Variants in PMS2 observed in about 807,000 individuals in gnomAD.
PMS2 encodes the protein mismatch repair endonuclease PMS2.
Under a neutral mutation model 90.0 loss-of-function variants are expected in PMS2, and 69 were observed. The ratio of observed to expected loss-of-function variants is 0.77; its 90% CI spans 0.63 to 0.94. PMS2 has a LOEUF of 0.94. PMS2 is among the 40% of genes least tolerant of loss of function. The pLI, the probability that PMS2 is intolerant of heterozygous loss-of-function variation, is 0.00. For missense variants in PMS2, 966 were observed against 1,040.2 expected (o/e 0.93, Z 0.98); for synonymous variants, 332 against 375.1 (o/e 0.89, Z 1.33).
rs1342412948 is a variant in PMS2 at position 5,981,731 on chromosome 7, A to T, written c.2174+1093T>A. On this transcript the variant is annotated intron_variant, in intron 12 of 14. Coordinates refer to ENST00000265849, the MANE Select transcript of PMS2 (RefSeq NM_000535.7). Reference sequence around the variant, plus strand: ...CATTTTTAATAGCGAAAAATACCTGATACTTAGAGAACATGTTAACCACGT... The same window carrying T: ...CATTTTTAATAGCGAAAAATACCTGTTACTTAGAGAACATGTTAACCACGT... 4.6e-5 allele frequency among the ~76,000 whole-genome samples: 7 copies of T among 151,782 alleles called. 1 individual carries two copies. Among genetic ancestry groups the T allele is most frequent in the African/African-American group, 1.7e-4 (7 of 41,076 alleles).
At chr7:5,999,341 G>A (rs1379598548) in intron 5 of PMS2, 66 bp from the exon 6 acceptor site, 16 of 1,392,764 alleles carry the variant, frequency 1.1e-5, no homozygotes, top group Non-Finnish European at 4.1e-6. Flanking sequence ...CACAGCTCAA[G>A]TTACAACATC....
chr7:6,000,462 T>G (rs1784973238), intron 5 of PMS2, among the ~76,000 whole-genome samples: 1 of 152,074 alleles, frequency 6.6e-6, no homozygotes, highest in African/African-American at 2.4e-5. Flanking sequence ...TATTACTTGC[T>G]TTCATTATAT....
At chr7:6,008,335 G>C (rs980603017) in intron 1 of PMS2, among the ~76,000 whole-genome samples, 3 of 152,200 alleles carry the variant, frequency 2.0e-5, no homozygotes, top group African/African-American at 7.2e-5. Flanking sequence ...AAGATTCGGT[G>C]TAGCTTACCA....
chr7:5,989,373 C>T (rs1783458759), intron 10 of PMS2, among the ~76,000 whole-genome samples: 1 of 152,000 alleles, frequency 6.6e-6, no homozygotes, highest in Non-Finnish European at 1.5e-5. Flanking sequence ...TTCAAGGTTG[C>T]AGTGAGCTGA....
intron 5 of PMS2, chr7:6,002,201 T>G: frequency 2.6e-6 from 1 of 387,990 alleles, no homozygotes; most frequent in East Asian, 5.7e-5. Flanking sequence ...AGTAAATTTT[T>G]TTTTAAAATT....
chr7:5,985,562 T>C (rs995301119), intron 11 of PMS2, among the ~76,000 whole-genome samples: 1 of 150,852 alleles, frequency 6.6e-6, no homozygotes, highest in Non-Finnish European at 1.5e-5. Context: ...TTTTTCTTTT[T>C]TTTTTTTTTG....
chr7:5,973,491 G>A lies in PMS2; in HGVS notation c.2497C>T (p.His833Tyr), dbSNP rs777470381. Reference sequence around the variant, plus strand: ...CAGGGGTGGTCCATCTCCCCCATGTGGGTGATCAGTTTCTTCATCTCGCTT... The same window carrying A: ...CAGGGGTGGTCCATCTCCCCCATGTAGGTGATCAGTTTCTTCATCTCGCTT... ...NTSEMKKLIT[H>Y]MGEMDHPWNC... Residue 833 changes from histidine (H) to tyrosine (Y), a missense_variant, in exon 15 of 15, where the codon CAC becomes TAC. Physicochemically the swap from His to Tyr is moderately conservative, Grantham distance 83. Transcript: ENST00000265849. The A allele has an allele frequency of 1.4e-5, 9 of 665,816 alleles. 1 individual carries two copies. The South Asian group carries it at 1.5e-4, about 11-fold the overall frequency. 41.2% of individuals were successfully genotyped at this position (665,816 alleles called of 1,614,324 possible).
In PMS2 at chr7:5,996,644, C is replaced by T. The variant is rs1784444322; in HGVS notation, c.803+682G>A. ...AGATAGATAGATATCTTTACAGGACCAATCCTATTTATGGAAGTGTCTATT... is the reference window on the plus strand; with the variant it reads ...AGATAGATAGATATCTTTACAGGACTAATCCTATTTATGGAAGTGTCTATT... On this transcript the variant is annotated intron_variant, in intron 7 of 14. Transcript: ENST00000265849. Among the ~76,000 whole-genome samples, 3 of 145,506 alleles carry T rather than the reference C, an allele frequency of 2.1e-5. No homozygotes were observed. The South Asian group carries it at 6.6e-4, about 32-fold the overall frequency.
chr7:5,984,764 G>T lies in PMS2; in HGVS notation c.2007-1773C>A, dbSNP rs549126337. ...CGTGCCAGTGCACTCCAGCCTGGGC[G>T]AAAGAGTGAGACTCTTGTCTCAAAA... On this transcript the variant is annotated intron_variant, in intron 11 of 14. Coordinates refer to ENST00000265849, the MANE Select transcript of PMS2 (RefSeq NM_000535.7). 1.6e-4 allele frequency among the ~76,000 whole-genome samples: 25 copies of T among 151,636 alleles called. No homozygotes were observed. The South Asian group carries it at 5.2e-3, about 31-fold the overall frequency.
At chr7:6,000,022 A>T (rs1448810730) in intron 5 of PMS2, among the ~76,000 whole-genome samples, 1 of 152,122 alleles carries the variant, frequency 6.6e-6, no homozygotes, top group Non-Finnish European at 1.5e-5. Context: ...CAGCAGAATG[A>T]CAACAAATAA....
At chr7:5,997,541 CTTTTG>C (rs1214445657) in intron 6 of PMS2, 118 bp from the exon 7 acceptor site, 7 of 696,674 alleles carry the variant, frequency 1.0e-5, no homozygotes, top group Admixed American at 2.6e-5. Flanking sequence ...TTAAAAGAAT[CTTTTG>C]TTTTGTTTTG....
chr7:5,995,822 G>C (rs1202707076), intron 7 of PMS2, among the ~76,000 whole-genome samples, 189 bp from the exon 8 acceptor site: 1 of 152,142 alleles, frequency 6.6e-6, no homozygotes, highest in Admixed American at 6.6e-5. Context: ...AAACCTTCTG[G>C]AATATTCTAA....
In PMS2 at chr7:6,005,988, C is replaced by G. The variant is rs374830220; in HGVS notation, c.67G>C (p.Val23Leu). 1 of 1,610,678 alleles carries G rather than the reference C, an allele frequency of 6.2e-7. No homozygotes were observed. The highest frequency in any genetic ancestry group is 8.5e-7 in the Non-Finnish European group (1 of 1,179,816). The change falls in exon 2 of 15, where the codon GTC becomes CTC. Residue 23 changes from valine (V) to leucine (L), a missense_variant. Physicochemically the swap from Val to Leu is conservative, Grantham distance 32. Coordinates refer to ENST00000265849, the MANE Select transcript of PMS2 (RefSeq NM_000535.7). ...KAIKPIDRKS[V>L]HQICSGQVVL... ...ACCTGCCCAGAGCAAATCTGATGGA[C>G]TGACTTCCGATCAATAGGTTTGATG...
chr7:5,984,392 A>C (rs1280561958), intron 11 of PMS2, among the ~76,000 whole-genome samples: 2 of 151,842 alleles, frequency 1.3e-5, no homozygotes, highest in East Asian at 1.9e-4. Flanking sequence ...TCAGTCCCAC[A>C]CAATTAAATC....
intron 5 of PMS2, among the ~76,000 whole-genome samples, chr7:6,000,377 T>TAA (rs67186373): frequency 2.4e-5 from 3 of 122,814 alleles, no homozygotes; most frequent in African/African-American, 6.2e-5. Context: ...CTGTCTCAAT[T>TAA]AAAAAAAAAA....
intron 1 of PMS2, among the ~76,000 whole-genome samples, chr7:6,007,404 C>T (rs960101408): frequency 6.6e-6 from 1 of 152,172 alleles, no homozygotes; most frequent in Non-Finnish European, 1.5e-5. Flanking sequence ...GGGACCGCAA[C>T]CAGCCATCCC....
chr7:5,988,068 A>C (rs1394414907), intron 10 of PMS2, among the ~76,000 whole-genome samples: 1 of 150,762 alleles, frequency 6.6e-6, no homozygotes, highest in African/African-American at 2.4e-5. Flanking sequence ...AAAAAAAAAA[A>C]AAAAAAAAAA....
At chr7:6,008,937 C>T (rs2128864961) in intron 1 of PMS2, 60 bp downstream of exon 1, 3 of 1,599,932 alleles carry the variant, frequency 1.9e-6, no homozygotes, top group Non-Finnish European at 2.6e-6. Context: ...GGTTGGAATG[C>T]CGTGGGTCTC....
At chr7:5,980,951 A>G (rs1782218005) in intron 12 of PMS2, among the ~76,000 whole-genome samples, 1 of 151,740 alleles carries the variant, frequency 6.6e-6, no homozygotes, top group Non-Finnish European at 1.5e-5. Context: ...AGTAAACTAC[A>G]CAGGAGAGTA....
Sources: gnomAD v4.1 joint callset for allele counts (sites outside exome capture counted in the v4.1 genomes callset) on GRCh38, gnomAD v4.1.1 for gene constraint, MANE v1.5 for transcripts, NCBI Gene and HGNC (gene_info 2026-07-23, HGNC 2026-07-21) for gene names.